TXNDC12: variants seen among roughly 807,000 people sequenced by gnomAD.
TXNDC12 encodes the protein thioredoxin domain-containing protein 12.
In TXNDC12, 22 loss-of-function variants were observed where a neutral mutation model predicts 24.2. The ratio of observed to expected loss-of-function variants is 0.91; its 90% CI spans 0.65 to 1.30. TXNDC12 has a LOEUF of 1.30. Ranked by LOEUF, TXNDC12 falls within the 50% of genes most tolerant of loss-of-function variation. The pLI is 0.00. For missense variants in TXNDC12, 184 were observed against 205.8 expected (o/e 0.89, Z 0.65); for synonymous variants, 58 against 73.4 (o/e 0.79, Z 1.07).
chr1:52,030,950 A>G (rs1685742596), intron 2 of TXNDC12, among the ~76,000 whole-genome samples: 1 of 152,246 alleles, frequency 6.6e-6, no homozygotes. Flanking sequence ...ATCTATAAGT[A>G]GCAACAGCAT....
At chr1:52,032,064 T>C (rs1466963144) in intron 2 of TXNDC12, 5 of 871,264 alleles carry the variant, frequency 5.7e-6, no homozygotes, top group Non-Finnish European at 6.9e-6. Flanking sequence ...AAATGTTACA[T>C]GAAGTTACAC....
intron 2 of TXNDC12, among the ~76,000 whole-genome samples, chr1:52,029,268 A>C (rs1029708575): frequency 6.6e-6 from 1 of 152,234 alleles, no homozygotes; most frequent in Non-Finnish European, 1.5e-5. Context: ...ATGTACAGAG[A>C]AAAGAGCCTA....
Position 52,033,325 on chromosome 1 carries a change from G to T in TXNDC12, c.159-4695C>A, listed in dbSNP as rs199766567. On this transcript the variant is annotated intron_variant, in intron 2 of 6. Transcript: ENST00000371626. The stretch of plus-strand genomic sequence containing the variant: ...TTCCCTGAGGACGCTGCTGCCCGCC[G>T]CCTGGGCTCTCCCGTCCTCCTCAGC... The T allele has an allele frequency of 1.9e-6, 3 of 1,613,842 alleles. No homozygotes were observed. Among genetic ancestry groups the T allele is most frequent in the East Asian group, 2.2e-5 (1 of 44,876 alleles).
At chr1:52,053,688 A>C (rs529966289) in intron 1 of TXNDC12, among the ~76,000 whole-genome samples, 28 of 151,896 alleles carry the variant, frequency 1.8e-4, no homozygotes, top group East Asian at 9.6e-4. Context: ...ACAACAACAA[A>C]AAAAAACGGT....
intron 2 of TXNDC12, chr1:52,032,384 G>A (rs1685778204): frequency 8.9e-7 from 1 of 1,122,478 alleles, no homozygotes; most frequent in African/African-American, 1.6e-5. Context: ...CCTCAGATGA[G>A]GGAAGCCAAT....
In TXNDC12 at chr1:52,020,540, G is replaced by A. The variant is rs1031018060; in HGVS notation, c.*393C>T. ...GATAAGCTACTTCTGCAATTTTAAC[G>A]TTGTAGAAAAGATGCTACTAGTCTC... On this transcript the variant is annotated 3_prime_UTR_variant, in exon 7 of 7. Coordinates refer to ENST00000371626, the MANE Select transcript of TXNDC12 (RefSeq NM_015913.4). 2.8e-5 allele frequency: 7 copies of A among 247,036 alleles called. No individual in the cohort carries two copies. Among genetic ancestry groups the A allele is most frequent in the Admixed American group, 1.6e-4 (3 of 19,264 alleles). The allele number at this position is 247,036 out of a possible 1,614,324, so 15.3% of individuals were successfully genotyped here. A position where few individuals can be genotyped will look rare whatever the true frequency, so the allele number is the denominator to read the frequency against.
At chr1:52,041,759 T>C (rs1685996558) in intron 1 of TXNDC12, among the ~76,000 whole-genome samples, 162 bp from the exon 2 acceptor site, 1 of 152,250 alleles carries the variant, frequency 6.6e-6, no homozygotes, top group Non-Finnish European at 1.5e-5. Flanking sequence ...TATGGGACCA[T>C]ACCTCAAGCC....
chr1:52,025,227 T>TC (rs1434271490), intron 4 of TXNDC12, among the ~76,000 whole-genome samples: 2 of 152,090 alleles, frequency 1.3e-5, no homozygotes, highest in Non-Finnish European at 2.9e-5. Context: ...TTTTCTTTTT[T>TC]TTTTTTTTTG....
chr1:52,024,791 C>G (rs1372527395), intron 4 of TXNDC12: 2 of 495,570 alleles, frequency 4.0e-6, no homozygotes, highest in Non-Finnish European at 7.3e-6. Flanking sequence ...CTGTTGCTGT[C>G]ATTAAACAAG....
intron 1 of TXNDC12, among the ~76,000 whole-genome samples, chr1:52,046,965 C>G (rs979295257): frequency 6.6e-6 from 1 of 150,730 alleles, no homozygotes; most frequent in African/African-American, 2.4e-5. Flanking sequence ...ATTGCTTGAA[C>G]TTGGGAGGCG....
At chr1:52,040,024 C>G (rs141411338) in intron 2 of TXNDC12, among the ~76,000 whole-genome samples, 1 of 152,026 alleles carries the variant, frequency 6.6e-6, no homozygotes, top group Admixed American at 6.6e-5. Context: ...CTCCACCTCC[C>G]GGGTTCAAGT....
At chr1:52,025,660 A>G (rs1210861323) in intron 4 of TXNDC12, among the ~76,000 whole-genome samples, 2 of 152,178 alleles carry the variant, frequency 1.3e-5, no homozygotes, top group Non-Finnish European at 2.9e-5. Context: ...TACTTTCACA[A>G]TTTATGATGT....
chr1:52,038,903 GTT>G (rs71041880), intron 2 of TXNDC12, among the ~76,000 whole-genome samples: 6,471 of 116,266 alleles, frequency 0.056, 186 homozygotes, highest in East Asian at 0.14. Flanking sequence ...TTCTTTTTCT[GTT>G]TTTTTTTTTT....
intron 1 of TXNDC12, among the ~76,000 whole-genome samples, chr1:52,046,219 T>C (rs2124388632): frequency 6.7e-6 from 1 of 149,358 alleles, no homozygotes; most frequent in Non-Finnish European, 1.5e-5. Flanking sequence ...AAGACACAGT[T>C]TGTGGTACTT....
chr1:52,042,053 T>C (rs1686003997), intron 1 of TXNDC12, among the ~76,000 whole-genome samples: 1 of 152,174 alleles, frequency 6.6e-6, no homozygotes, highest in Non-Finnish European at 1.5e-5. Context: ...AAGTAAGCTC[T>C]CCAAGTCCCA....
intron 6 of TXNDC12, among the ~76,000 whole-genome samples, chr1:52,022,220 G>A (rs910423732): frequency 6.6e-6 from 1 of 152,144 alleles, no homozygotes; most frequent in African/African-American, 2.4e-5. Flanking sequence ...CTGGCAGCAT[G>A]GCAAATAGGG....
At position 52,027,358 on chromosome 1, in the gene TXNDC12, A is replaced by T. The variant is rs764122939; in HGVS notation, c.212-10T>A. Reference sequence around the variant, plus strand: ...AATTTGGGCTTTAGAGCTGGGGGGAAAAAGATTTTGGAATAGAAGAAAAAA... The same window carrying T: ...AATTTGGGCTTTAGAGCTGGGGGGATAAAGATTTTGGAATAGAAGAAAAAA... On this transcript the variant is annotated splice_polypyrimidine_tract_variant and intron_variant, in intron 3 of 6. Coordinates refer to ENST00000371626, the MANE Select transcript of TXNDC12 (RefSeq NM_015913.4). 15 of 1,603,120 alleles carry T rather than the reference A, an allele frequency of 9.4e-6. No homozygotes were observed. In the East Asian group the frequency reaches 3.4e-4, roughly 36 times the overall value.
At chr1:52,049,787 C>T (rs577458849) in intron 1 of TXNDC12, among the ~76,000 whole-genome samples, 6 of 152,162 alleles carry the variant, frequency 3.9e-5, no homozygotes, top group Non-Finnish European at 7.4e-5. Flanking sequence ...ATCTGCCCGC[C>T]TTGGCCTCCC....
At chr1:52,036,245 A>G (rs977663618) in intron 2 of TXNDC12, among the ~76,000 whole-genome samples, 4 of 152,160 alleles carry the variant, frequency 2.6e-5, no homozygotes, top group African/African-American at 9.7e-5. Flanking sequence ...CATATTTTGA[A>G]TGTAATATTA....
Sources: allele counts gnomAD v4.1 joint callset (sites outside exome capture counted in the v4.1 genomes callset), GRCh38; gene constraint gnomAD v4.1.1; transcripts MANE v1.5; gene names NCBI Gene and HGNC (gene_info 2026-07-23, HGNC 2026-07-21).